The following ATP13A4 variants were observed in gnomAD, a reference collection of about 807,000 sequenced individuals.
ATP13A4 encodes the protein probable cation-transporting ATPase 13A4.
In ATP13A4, 114 loss-of-function variants were observed where a neutral mutation model predicts 142.5. The ratio of observed to expected loss-of-function variants is 0.80; its 90% CI spans 0.69 to 0.93. ATP13A4 has a LOEUF of 0.93. Among genes scored for constraint, ATP13A4 ranks in the 40% least tolerant of loss-of-function variants. ATP13A4 has a pLI of 0.00. For synonymous variants in ATP13A4, 488 were observed against 514.8 expected (o/e 0.95, Z 0.70); for missense variants, 1,392 against 1,454.0 (o/e 0.96, Z 0.69).
At chr3:193,503,995 A>G (rs189997062) in intron 2 of ATP13A4, among the ~76,000 whole-genome samples, 1,948 of 136,130 alleles carry the variant, frequency 0.014, 25 homozygotes, top group African/African-American at 0.031. Flanking sequence ...TTCTGTGTGC[A>G]TGTGTGTGTG....
chr3:193,458,975 C>T, intron 14 of ATP13A4, 106 bp downstream of exon 14: 1 of 1,506,798 alleles, frequency 6.6e-7, no homozygotes, highest in African/African-American at 1.4e-5. Flanking sequence ...AAATGTACTC[C>T]ACATTGGAAA....
chr3:193,492,833 TTAAGA>T, intron 5 of ATP13A4, 79 bp downstream of exon 5: 1 of 999,996 alleles, frequency 1.0e-6, no homozygotes, highest in South Asian at 1.3e-5. Flanking sequence ...TATTAATCCA[TTAAGA>T]TAACTATTTA....
chr3:193,547,103 C>T (rs1723271828), intron 1 of ATP13A4, among the ~76,000 whole-genome samples: 1 of 152,168 alleles, frequency 6.6e-6, no homozygotes, highest in Non-Finnish European at 1.5e-5. Flanking sequence ...TTTCTTACTT[C>T]CCAGTCTTTG....
intron 20 of ATP13A4, 121 bp from the exon 21 acceptor site, chr3:193,440,758 C>T (rs1716585301): frequency 9.7e-7 from 1 of 1,031,680 alleles, no homozygotes; most frequent in Non-Finnish European, 1.4e-6. Context: ...AAAAAAGTTT[C>T]CAATGAGCCT....
chr3:193,414,397 T>C (rs930932473), intron 26 of ATP13A4, among the ~76,000 whole-genome samples, 182 bp downstream of exon 26: 1 of 152,182 alleles, frequency 6.6e-6, no homozygotes, highest in African/African-American at 2.4e-5. Context: ...GAATGAATGA[T>C]ACATTCATTA....
intron 7 of ATP13A4, among the ~76,000 whole-genome samples, chr3:193,485,462 T>A (rs1719553743): frequency 6.6e-6 from 1 of 152,146 alleles, no homozygotes. Context: ...CCTTTTAGCA[T>A]CTTATTCTCG....
intron 2 of ATP13A4, among the ~76,000 whole-genome samples, chr3:193,575,290 A>C (rs755636392): frequency 6.6e-6 from 1 of 152,208 alleles, no homozygotes; most frequent in Admixed American, 6.5e-5. Context: ...ATTAAACTTT[A>C]ACTATCATCA....
chr3:193,433,869 T>G lies in ATP13A4; in HGVS notation c.2818A>C (p.Ile940Leu). 1 of 1,613,852 alleles carries G rather than the reference T, an allele frequency of 6.2e-7. No homozygotes were observed. The highest frequency in any genetic ancestry group is 8.5e-7 in the Non-Finnish European group (1 of 1,179,758). The stretch of plus-strand genomic sequence containing the variant: ...CTTGTTACACCAATAAGAGTTGTAA[T>G]GGCCAGATCCTGGAACAGAAACTGG... The part of the protein sequence containing the change: ...NYQFLFQDLA[I>L]TTLIGVTMNL... The change falls in exon 25 of 30, where the codon ATT becomes CTT. Residue 940 changes from isoleucine (I) to leucine (L), a missense_variant. Coordinates refer to ENST00000342695, the MANE Select transcript of ATP13A4 (RefSeq NM_032279.4).
At chr3:193,589,489 TC>T (rs1438954547) in intron 1 of ATP13A4, among the ~76,000 whole-genome samples, 2 of 152,204 alleles carry the variant, frequency 1.3e-5, no homozygotes, top group African/African-American at 4.8e-5. Context: ...CATTTCCATT[TC>T]CATTAACATC....
chr3:193,428,078 T>C (rs1398556417), intron 25 of ATP13A4, among the ~76,000 whole-genome samples: 2 of 151,694 alleles, frequency 1.3e-5, no homozygotes, highest in Admixed American at 6.6e-5. Flanking sequence ...TACAAAGAAC[T>C]CAAACAAATT....
intron 14 of ATP13A4, 77 bp from the exon 15 acceptor site, chr3:193,457,542 C>T: frequency 7.3e-7 from 1 of 1,360,656 alleles, no homozygotes; most frequent in East Asian, 2.3e-5. Flanking sequence ...GAACCCTCCC[C>T]TTGAGAAGAT....
At chr3:193,574,231 A>G (rs781122454) in intron 2 of ATP13A4, among the ~76,000 whole-genome samples, 1 of 152,276 alleles carries the variant, frequency 6.6e-6, no homozygotes, top group Non-Finnish European at 1.5e-5. Context: ...TGCCTCCGGC[A>G]TCACCACCCG....
intron 13 of ATP13A4, among the ~76,000 whole-genome samples, chr3:193,462,120 G>A (rs1384261971): frequency 4.6e-5 from 7 of 151,782 alleles, no homozygotes. Context: ...TACTCGGGAG[G>A]CTGAGGCAGG....
At chr3:193,472,026 A>C (rs906593088) in intron 8 of ATP13A4, among the ~76,000 whole-genome samples, 3 of 152,166 alleles carry the variant, frequency 2.0e-5, no homozygotes, top group Non-Finnish European at 4.4e-5. Context: ...GACCCGAGCA[A>C]GGTGAAAAGG....
chr3:193,455,417 T>TCA (rs1266438352), intron 16 of ATP13A4, among the ~76,000 whole-genome samples: 8 of 144,302 alleles, frequency 5.5e-5, no homozygotes, highest in East Asian at 2.1e-4. Flanking sequence ...AGACCAACAA[T>TCA]CACACACACA....
intron 2 of ATP13A4, among the ~76,000 whole-genome samples, chr3:193,514,354 G>A (rs552754534): frequency 6.6e-6 from 1 of 152,208 alleles, no homozygotes; most frequent in Non-Finnish European, 1.5e-5. Flanking sequence ...CTGTTCCTGC[G>A]TTAGTTTGCT....
chr3:193,558,140 A>G (rs1447514835), upstream of ATP13A4, among the ~76,000 whole-genome samples: 1 of 152,222 alleles, frequency 6.6e-6, no homozygotes, highest in Non-Finnish European at 1.5e-5. Flanking sequence ...CTCTCATATT[A>G]TAGGAATCAG....
chr3:193,423,863 A>G (rs1295521091), intron 25 of ATP13A4, among the ~76,000 whole-genome samples: 1 of 149,598 alleles, frequency 6.7e-6, no homozygotes, highest in East Asian at 2.1e-4. Context: ...CAGACATTCA[A>G]ATTGGGAAGG....
At chr3:193,554,974 A>T (rs149476017), upstream of ATP13A4, 1,342 of 1,526,090 alleles carry the variant, frequency 8.8e-4, 14 homozygotes, top group African/African-American at 0.015. Context: ...TACTTGGCAA[A>T]CTGAACTCCT....
Sources: allele counts gnomAD v4.1 joint callset (sites outside exome capture counted in the v4.1 genomes callset), GRCh38; gene constraint gnomAD v4.1.1; transcripts MANE v1.5; gene names NCBI Gene and HGNC (gene_info 2026-07-23, HGNC 2026-07-21).